The following CENPO variants were observed in gnomAD, a reference collection of about 807,000 sequenced individuals.
CENPO encodes centromere protein O, also known as centromeric protein O.
A neutral mutation model predicts 36.1 loss-of-function variants in CENPO; 30 were observed. That is an observed-to-expected ratio of 0.83 (90% CI 0.62 to 1.13). The LOEUF is 1.13. Ranked by LOEUF, CENPO falls within the 50% of genes most tolerant of loss-of-function variation. The pLI is 0.00. For missense variants in CENPO, 349 were observed against 357.8 expected (o/e 0.98, Z 0.20); for synonymous variants, 171 against 142.3 (o/e 1.20, Z -1.44).
At chr2:24,799,581 A>G in intron 2 of CENPO, 94 bp from the exon 3 acceptor site, 1 of 1,014,692 alleles carries the variant, frequency 9.9e-7, no homozygotes, top group Non-Finnish European at 1.4e-6. Flanking sequence ...GGTAAAAAAA[A>G]AAAAAGAGTC....
At position 24,815,745 on chromosome 2, in the gene CENPO, G is replaced by A; in HGVS notation, c.583G>A (p.Asp195Asn). The A allele has an allele frequency of 6.2e-7, 1 of 1,614,124 alleles. No homozygotes were observed. The highest frequency in any genetic ancestry group is 8.5e-7 in the Non-Finnish European group (1 of 1,179,988). ...NAYSGRKYQA[D>N]RLQSDFAALL... ...TTACTCTGGGAGGAAGTACCAGGCA[G>A]ACCGGCTTCAGGTATCTCTCTGGGA... The change falls in exon 5 of 8, where the codon GAC becomes AAC. Residue 195 changes from aspartate (D) to asparagine (N), a missense_variant. By Grantham distance (23) the Asp-to-Asn change is conservative. Coordinates refer to ENST00000380834, the MANE Select transcript of CENPO (RefSeq NM_001322101.2).
At chr2:24,795,392 T>C (rs4665721) in intron 2 of CENPO, among the ~76,000 whole-genome samples, 65,521 of 151,862 alleles carry the variant, frequency 0.43, 15,805 homozygotes, top group East Asian at 0.59. Context: ...TTGACTTTTT[T>C]TGGGACAAAG....
intron 3 of CENPO, among the ~76,000 whole-genome samples, chr2:24,812,227 T>C (rs923767855): frequency 2.0e-5 from 3 of 152,216 alleles, no homozygotes; most frequent in African/African-American, 7.2e-5. Context: ...TCAAACTTTA[T>C]ATCATTCTGT....
intron 3 of CENPO, among the ~76,000 whole-genome samples, chr2:24,802,936 C>G (rs562648365): frequency 4.6e-5 from 7 of 152,178 alleles, no homozygotes; most frequent in Non-Finnish European, 1.0e-4. Context: ...TGGTAGAATT[C>G]GGCTGTGAAT....
intron 3 of CENPO, among the ~76,000 whole-genome samples, chr2:24,808,204 GTATTT>G (rs1346013111): frequency 6.6e-6 from 1 of 151,856 alleles, no homozygotes; most frequent in African/African-American, 2.4e-5. Context: ...TCTTTTCCAG[GTATTT>G]TATTTTTTTT....
chr2:24,804,950 C>T (rs903864336), intron 3 of CENPO, among the ~76,000 whole-genome samples: 1 of 152,242 alleles, frequency 6.6e-6, no homozygotes, highest in African/African-American at 2.4e-5. Flanking sequence ...CTCCCCATCA[C>T]TTTCAGGTAC....
In CENPO at chr2:24,816,734, G is replaced by A. The variant is rs1168452873; in HGVS notation, c.683G>A (p.Gly228Asp). Residue 228 changes from glycine to aspartate, a missense_variant, in exon 6 of 8, where the codon GGT becomes GAT. Gly to Asp is a moderately conservative substitution (Grantham distance 94). Coordinates refer to ENST00000380834, the MANE Select transcript of CENPO (RefSeq NM_001322101.2). Reference protein sequence around the residue: ...LSFTYKLDPGGQSFPFCARLL... With the variant: ...LSFTYKLDPGDQSFPFCARLL... ...TTTACTTACAAACTGGATCCAGGGG[G>A]TCAGTCCTTCCCGTTCTGTGCTAGA... is the stretch of plus-strand genomic sequence containing the variant. 6.2e-7 allele frequency: 1 copy of A among 1,612,834 alleles called. No individual in the cohort carries two copies. The highest frequency in any genetic ancestry group is 8.5e-7 in the Non-Finnish European group (1 of 1,179,542).
intron 2 of CENPO, among the ~76,000 whole-genome samples, chr2:24,797,178 G>A (rs1335190299): frequency 6.6e-6 from 1 of 152,226 alleles, no homozygotes; most frequent in African/African-American, 2.4e-5. Flanking sequence ...TACTAGGAAT[G>A]TATATTCAAT....
chr2:24,820,414 C>G lies in CENPO; in HGVS notation c.*1096C>G. 7.5e-7 allele frequency: 1 copy of G among 1,325,854 alleles called. No homozygotes were observed. Among genetic ancestry groups the G allele is most frequent in the Non-Finnish European group, 9.6e-7 (1 of 1,041,064 alleles). The allele number at this position is 1,325,854 out of a possible 1,614,324, so 82.1% of individuals were successfully genotyped here. ...AACTGCCACTGCCTGCTCTTCTGTC[C>G]CTTTGCCCCTTTCGTGGAGCTTTTC... On this transcript the variant is annotated 3_prime_UTR_variant, in exon 8 of 8. Coordinates refer to ENST00000380834, the MANE Select transcript of CENPO (RefSeq NM_001322101.2).
intron 2 of CENPO, among the ~76,000 whole-genome samples, chr2:24,794,602 G>C (rs539000985): frequency 6.6e-6 from 1 of 152,302 alleles, no homozygotes; most frequent in South Asian, 2.1e-4. Flanking sequence ...GGTGTTTAAA[G>C]AATGCTTGTT....
intron 3 of CENPO, among the ~76,000 whole-genome samples, chr2:24,806,808 T>A (rs1362788320): frequency 2.0e-5 from 3 of 152,204 alleles, no homozygotes; most frequent in African/African-American, 7.2e-5. Flanking sequence ...CTAGGGAGCT[T>A]GACCCTTCCC....
At position 24,817,767 on chromosome 2, in the gene CENPO, A is replaced by G. The variant is rs902556005; in HGVS notation, c.864A>G (p.Thr288=). The G allele has an allele frequency of 1.2e-6, 2 of 1,614,104 alleles. No individual in the cohort carries two copies. Among genetic ancestry groups the G allele is most frequent in the African/African-American group, 2.7e-5 (2 of 74,936 alleles). ...TGCATCAAGTGTTTGCCTCATTTACAAGAAAAGGAGAAAAGTTGGATATGA... is the reference window on the plus strand; with the variant it reads ...TGCATCAAGTGTTTGCCTCATTTACGAGAAAAGGAGAAAAGTTGGATATGA... ...KPLHQVFASF[T]RKGEKLDMSL... is the part of the protein sequence containing the mutation. The change falls in exon 7 of 8, where the codon ACA becomes ACG. Residue 288 remains threonine, a synonymous_variant. Coordinates refer to ENST00000380834, the MANE Select transcript of CENPO (RefSeq NM_001322101.2).
In CENPO at chr2:24,820,691, CTG is replaced by C; in HGVS notation, c.*1374_*1375del. The C allele has an allele frequency of 6.2e-7, 1 of 1,613,106 alleles. No homozygotes were observed. The highest frequency in any genetic ancestry group is 8.5e-7 in the Non-Finnish European group (1 of 1,179,448). On this transcript the variant is annotated 3_prime_UTR_variant, in exon 8 of 8. Transcript: ENST00000380834. Reference sequence around the variant, plus strand: ...TTCCGGTTTTGTTCTCATGCCGAGTCTGAGCACGTGCCAGCTGTGCCACTGGA... The same window carrying C: ...TTCCGGTTTTGTTCTCATGCCGAGTCAGCACGTGCCAGCTGTGCCACTGGA...
Position 24,819,913 on chromosome 2 carries a change from G to A in CENPO, c.*595G>A, listed in dbSNP as rs1667289631. The A allele has an allele frequency of 6.2e-7, 1 of 1,611,872 alleles. No homozygotes were observed. The highest frequency in any genetic ancestry group is 8.5e-7 in the Non-Finnish European group (1 of 1,179,124). ...TAAATTCTCCCTTCCGGTTTGGACT[G>A]TTGCAGGCTCGAGGCCATTCAGGAG... On this transcript the variant is annotated 3_prime_UTR_variant, in exon 8 of 8. Coordinates refer to ENST00000380834, the MANE Select transcript of CENPO (RefSeq NM_001322101.2).
Position 24,820,155 on chromosome 2 carries a change from GAGCCTAGACTGAGGGC to G in CENPO, c.*838_*853del. The G allele has an allele frequency of 7.7e-7, 1 of 1,297,546 alleles. No individual in the cohort carries two copies. Among genetic ancestry groups the G allele is most frequent in the Non-Finnish European group, 1.0e-6 (1 of 954,408 alleles). The allele number at this position is 1,297,546 out of a possible 1,614,324, so 80.4% of individuals were successfully genotyped here. On this transcript the variant is annotated 3_prime_UTR_variant, in exon 8 of 8. Transcript: ENST00000380834. Reference sequence around the variant, plus strand: ...GAGCAAGAACGTGGCGTTACGGGGGGAGCCTAGACTGAGGGCGGGTGGGGGCTTTGGGTGGTTGGAG... The same window carrying G: ...GAGCAAGAACGTGGCGTTACGGGGGGGGGTGGGGGCTTTGGGTGGTTGGAG...
At position 24,815,478 on chromosome 2, in the gene CENPO, GTCT is replaced by G. The variant is rs1558380935; in HGVS notation, c.335-14_335-12del. 6.2e-7 allele frequency: 1 copy of G among 1,611,772 alleles called. No homozygotes were observed. The highest frequency in any genetic ancestry group is 1.1e-5 in the South Asian group (1 of 90,860). On this transcript the variant is annotated splice_polypyrimidine_tract_variant and intron_variant, in intron 4 of 7. Coordinates refer to ENST00000380834, the MANE Select transcript of CENPO (RefSeq NM_001322101.2). ...ACCTTGGCCTGCTGTCTATTGAGGT[GTCT>G]TCTTGTTTGCCTCAGGCCTCAGTGG...
In CENPO at chr2:24,819,841, G is replaced by T. The variant is rs1667274801; in HGVS notation, c.*523G>T. The stretch of plus-strand genomic sequence containing the variant: ...GTTTCTAAACCTAAAGTCCATGAGT[G>T]TGCACTTCAATCCAGGAAGGTCGGG... On this transcript the variant is annotated 3_prime_UTR_variant, in exon 8 of 8. Transcript: ENST00000380834. 7.4e-7 allele frequency: 1 copy of T among 1,358,518 alleles called. No individual in the cohort carries two copies. Among genetic ancestry groups the T allele is most frequent in the Admixed American group, 2.2e-5 (1 of 45,862 alleles). The allele number at this position is 1,358,518 out of a possible 1,614,324, so 84.2% of individuals were successfully genotyped here. A position where few individuals can be genotyped will look rare whatever the true frequency, so the allele number is the denominator to read the frequency against.
intron 3 of CENPO, among the ~76,000 whole-genome samples, chr2:24,804,174 A>G (rs1005623948): frequency 1.0e-4 from 15 of 150,642 alleles, no homozygotes; most frequent in Admixed American, 5.3e-4. Context: ...TTTGTTTTCC[A>G]TTTGCTTGGT....
chr2:24,817,865 G>T, intron 7 of CENPO, 24 bp downstream of exon 7: 1 of 1,597,574 alleles, frequency 6.3e-7, no homozygotes, highest in South Asian at 1.1e-5. Context: ...ACTGAAGACA[G>T]TACCAGGTGG....
Sources: allele counts gnomAD v4.1 joint callset (sites outside exome capture counted in the v4.1 genomes callset), GRCh38; gene constraint gnomAD v4.1.1; transcripts MANE v1.5; gene names NCBI Gene and HGNC (gene_info 2026-07-23, HGNC 2026-07-21).